EDA: variants seen among roughly 807,000 people sequenced by gnomAD.
EDA encodes ectodysplasin-A.
A neutral mutation model predicts 23.6 loss-of-function variants in EDA; 2 were observed. That is an observed-to-expected ratio of 0.08 (90% confidence interval 0.03 to 0.27). EDA has a LOEUF of 0.27. EDA is among the 10% of genes least tolerant of loss of function. The pLI, the probability that EDA is intolerant of heterozygous loss-of-function variation, is 1.00. For synonymous variants in EDA, 131 were observed against 132.0 expected, an observed-to-expected ratio of 0.99 and a Z score of 0.05; for missense variants, 229 against 324.2, an observed-to-expected ratio of 0.71 and a Z score of 2.26.
intron 1 of EDA, among the ~76,000 whole-genome samples, chrX:69,733,535 T>C (rs907265077): frequency 8.9e-5 from 10 of 112,343 alleles, no homozygotes; most frequent in Non-Finnish European, 1.3e-4. Flanking sequence ...TCAGGTAGCA[T>C]GATGCCTCCA....
chrX:69,640,269 C>T (rs1307426746), intron 1 of EDA, among the ~76,000 whole-genome samples: 1 of 111,493 alleles, frequency 9.0e-6, no homozygotes, highest in Non-Finnish European at 1.9e-5. Context: ...TATTTGATTA[C>T]AAATAATAAT....
At chrX:69,715,241 C>T (rs1372851492) in intron 1 of EDA, among the ~76,000 whole-genome samples, 1 of 109,814 alleles carries the variant, frequency 9.1e-6, no homozygotes, top group Non-Finnish European at 1.9e-5. Context: ...TCCCTCTTCT[C>T]ACCCTCCATC....
At chrX:69,752,925 T>C (rs1272704385) in intron 1 of EDA, among the ~76,000 whole-genome samples, 5 of 111,376 alleles carry the variant, frequency 4.5e-5, no homozygotes, top group Non-Finnish European at 7.5e-5. Flanking sequence ...TGGTGATATC[T>C]CCTTTATCAT....
intron 1 of EDA, among the ~76,000 whole-genome samples, chrX:69,888,729 G>A (rs1423897406): frequency 1.9e-5 from 2 of 106,186 alleles, no homozygotes; most frequent in Admixed American, 2.1e-4. Context: ...GAAAAAAGGG[G>A]TCAATTCATC....
intron 1 of EDA, among the ~76,000 whole-genome samples, chrX:69,956,151 G>A (rs1046530827): frequency 9.0e-6 from 1 of 111,158 alleles, no homozygotes; most frequent in African/African-American, 3.3e-5. Context: ...TTGACAAATA[G>A]TACCTCAGTA....
intron 1 of EDA, among the ~76,000 whole-genome samples, chrX:69,879,667 C>T (rs1210068554): frequency 8.9e-6 from 1 of 112,035 alleles, no homozygotes; most frequent in Non-Finnish European, 1.9e-5. Flanking sequence ...GTTTCCTCCT[C>T]AAAACAGAAC....
Position 69,733,268 on chromosome X carries a change from A to G in EDA, c.396+116564A>G, listed in dbSNP as rs746870110. ...TTAAGTCTTTAATCCATCTTGTATT[A>G]ATTTTTGTATAAGGTGTAAGGAAGG... On this transcript the variant is annotated intron_variant, in intron 1 of 7. Coordinates refer to ENST00000374552, the MANE Select transcript of EDA (RefSeq NM_001399.5). Among the ~76,000 whole-genome samples the G allele has an allele frequency of 2.4e-4, 27 of 111,872 alleles. No homozygotes were observed. In the South Asian group the frequency reaches 0.01, roughly 42 times the overall value.
chrX:69,784,829 A>G (rs1452436264), intron 1 of EDA, among the ~76,000 whole-genome samples: 5 of 109,690 alleles, frequency 4.6e-5, no homozygotes, highest in African/African-American at 1.7e-4. Flanking sequence ...TTCTGTGAAG[A>G]AAGTCATTGG....
chrX:69,900,314 A>T (rs765864752), intron 1 of EDA, among the ~76,000 whole-genome samples: 1 of 108,412 alleles, frequency 9.2e-6, no homozygotes, highest in Admixed American at 9.9e-5. Context: ...TTTTATCATA[A>T]ATATATATAT....
intron 1 of EDA, among the ~76,000 whole-genome samples, chrX:69,895,009 C>T (rs1488674405): frequency 1.8e-5 from 2 of 110,874 alleles, no homozygotes; most frequent in Non-Finnish European, 3.8e-5. Flanking sequence ...GGGGTGCTTC[C>T]AGCTTTTGCC....
At chrX:69,700,804 A>T (rs1212234218) in intron 1 of EDA, among the ~76,000 whole-genome samples, 1 of 110,635 alleles carries the variant, frequency 9.0e-6, no homozygotes, top group African/African-American at 3.3e-5. Context: ...TTAAAGTGGG[A>T]GGTTGGAGGA....
chrX:69,898,483 G>A (rs757975260), intron 1 of EDA, among the ~76,000 whole-genome samples: 83 of 110,826 alleles, frequency 7.5e-4, no homozygotes, highest in Non-Finnish European at 1.3e-3. Context: ...TCAGGAGGCT[G>A]AGACACGAGA....
chrX:69,703,318 T>C (rs2011589952), intron 1 of EDA, among the ~76,000 whole-genome samples: 2 of 111,688 alleles, frequency 1.8e-5, no homozygotes, highest in African/African-American at 6.5e-5. Flanking sequence ...CTGATGTGCA[T>C]GCACAGAGAG....
chrX:70,001,746 G>A (rs948548063), intron 2 of EDA, among the ~76,000 whole-genome samples: 7 of 112,236 alleles, frequency 6.2e-5, no homozygotes, highest in African/African-American at 2.3e-4. Context: ...CATTTCCTTA[G>A]CACTTCATAC....
chrX:69,644,457 A>G (rs1329299179), intron 1 of EDA, among the ~76,000 whole-genome samples: 13 of 111,413 alleles, frequency 1.2e-4, no homozygotes, highest in East Asian at 1.1e-3. Flanking sequence ...CATTGATTCT[A>G]TATCTTGAGA....
At chrX:69,650,881 A>G (rs1933084068) in intron 1 of EDA, among the ~76,000 whole-genome samples, 1 of 110,994 alleles carries the variant, frequency 9.0e-6, no homozygotes, top group Admixed American at 9.7e-5. Flanking sequence ...GGCACATACC[A>G]GGTGATGGAA....
intron 1 of EDA, among the ~76,000 whole-genome samples, chrX:69,819,190 A>G (rs2016151908): frequency 8.9e-6 from 1 of 112,201 alleles, no homozygotes; most frequent in African/African-American, 3.2e-5. Context: ...AAAAACTCTT[A>G]ATAAACTAGA....
intron 1 of EDA, among the ~76,000 whole-genome samples, chrX:69,768,080 A>G (rs2014523045): frequency 9.0e-6 from 1 of 111,499 alleles, no homozygotes; most frequent in African/African-American, 3.3e-5. Flanking sequence ...TTCCTTATAT[A>G]TTCTAGGTGC....
intron 1 of EDA, among the ~76,000 whole-genome samples, chrX:69,624,822 GC>G (rs1932321629): frequency 2.0e-5 from 2 of 102,081 alleles, no homozygotes; most frequent in African/African-American, 7.6e-5. Context: ...CTCTCTCTCA[GC>G]TGACTCTACT....
Sources: allele counts gnomAD v4.1 joint callset (sites outside exome capture counted in the v4.1 genomes callset), GRCh38; gene constraint gnomAD v4.1.1; transcripts MANE v1.5; gene names NCBI Gene and HGNC (gene_info 2026-07-23, HGNC 2026-07-21).